BCAT2: variants seen among roughly 807,000 people sequenced by gnomAD.
BCAT2 encodes branched-chain-amino-acid aminotransferase, mitochondrial.
In BCAT2, 44 loss-of-function variants were observed where a neutral mutation model predicts 52.9. The ratio of observed to expected loss-of-function variants is 0.83; its 90% CI spans 0.65 to 1.07. BCAT2 has a LOEUF of 1.07. Among genes scored for constraint, BCAT2 ranks in the 50% least tolerant of loss-of-function variants. The probability of loss-of-function intolerance (pLI) is 0.00; values close to 1 mark genes in which losing one functional copy is unlikely to be tolerated. For missense variants in BCAT2, 478 were observed against 521.8 expected (o/e 0.92, Z 0.82); for synonymous variants, 215 against 217.1 (o/e 0.99, Z 0.08).
chr19:48,797,080 T>G (rs2034541352), intron 7 of BCAT2, 58 bp from the exon 8 acceptor site: 2 of 1,610,832 alleles, frequency 1.2e-6, no homozygotes, highest in African/African-American at 1.3e-5. Context: ...ACCGCCGTCT[T>G]AAGAGCCACC....
At chr19:48,808,349 G>T in intron 1 of BCAT2, 2 of 746,968 alleles carry the variant, frequency 2.7e-6, no homozygotes, top group Non-Finnish European at 3.3e-6. Flanking sequence ...GAGAGTAAGA[G>T]ATGGAAGAGG....
chr19:48,799,808 C>G lies in BCAT2; in HGVS notation c.562G>C (p.Ala188Pro). ...GGGCAGAGAATGACGAACAGGAGCG[C>G]GCGCGTGGGCTGGCTGACACCCAGC... is the stretch of plus-strand genomic sequence containing the variant. ...PSLGVSQPTR[A>P]LLFVILCPVG... Residue 188 changes from alanine (A) to proline (P), a missense_variant, in exon 6 of 11, where the codon GCG (alanine) becomes CCG (proline). Transcript: ENST00000316273. The surrounding 1 kb of genome is among the most constrained non-coding windows in gnomAD (Gnocchi z 5.5). The G allele has an allele frequency of 6.4e-7, 1 of 1,559,014 alleles. No homozygotes were observed.
chr19:48,803,771 G>A (rs979996874), intron 3 of BCAT2, among the ~76,000 whole-genome samples: 1 of 152,194 alleles, frequency 6.6e-6, no homozygotes, highest in African/African-American at 2.4e-5. Flanking sequence ...GAGGGACAAT[G>A]GGTACTGATT....
Position 48,795,183 on chromosome 19 carries a change from T to C in BCAT2, c.*243A>G, listed in dbSNP as rs536745483. 63 of 596,046 alleles carry C rather than the reference T, an allele frequency of 1.1e-4. 2 individuals are homozygous for C. The South Asian group carries it at 1.2e-3, about 11-fold the overall frequency. The allele number at this position is 596,046 out of a possible 1,614,324, so 36.9% of individuals were successfully genotyped here. A position where few individuals can be genotyped will look rare whatever the true frequency, so the allele number is the denominator to read the frequency against. On this transcript the variant is annotated 3_prime_UTR_variant, in exon 11 of 11. Coordinates refer to ENST00000316273, the MANE Select transcript of BCAT2 (RefSeq NM_001190.4). ...CCGGAATCGGGGCCAAGGTGTATCC[T>C]TGACCGCACGACAAGGAGTAATGGG...
Position 48,795,276 on chromosome 19 carries a change from T to C in BCAT2, c.*150A>G. 1 of 1,008,842 alleles carries C rather than the reference T, an allele frequency of 9.9e-7. No individual in the cohort carries two copies. The highest frequency in any genetic ancestry group is 1.5e-6 in the Non-Finnish European group (1 of 675,760). 62.5% of individuals were successfully genotyped at this position (1,008,842 alleles called of 1,614,324 possible). On this transcript the variant is annotated 3_prime_UTR_variant, in exon 11 of 11. Transcript: ENST00000316273. ...GGGTCGGCCCTTACGGCTTTGGGAG[T>C]GTCGCAACCACATGGGGGCGCCAGA...
intron 1 of BCAT2, among the ~76,000 whole-genome samples, chr19:48,808,687 G>A (rs487703): frequency 0.013 from 1,997 of 152,134 alleles, 36 homozygotes; most frequent in African/African-American, 0.045. Flanking sequence ...CCCAGGAGGC[G>A]GAGGTTGCAG....
intron 8 of BCAT2, 105 bp downstream of exon 8, chr19:48,796,832 C>G: frequency 1.3e-6 from 2 of 1,593,488 alleles, no homozygotes. Context: ...GAGAGACAGA[C>G]CCAGGAGAAG....
In BCAT2 at chr19:48,799,658, A is replaced by C; in HGVS notation, c.695+17T>G. ...GCCCAGTGCGCCAGTCGTTCTGGGG[A>C]TGGGGGTGCTACTTACCCACCTAAC... On this transcript the variant is annotated intron_variant, in intron 6 of 10. Coordinates refer to ENST00000316273, the MANE Select transcript of BCAT2 (RefSeq NM_001190.4). The surrounding 1 kb of genome is among the most constrained non-coding windows in gnomAD (Gnocchi z 5.5). 6.4e-7 allele frequency: 1 copy of C among 1,554,472 alleles called. No individual in the cohort carries two copies. Among genetic ancestry groups the C allele is most frequent in the Non-Finnish European group, 8.7e-7 (1 of 1,153,892 alleles).
Position 48,800,115 on chromosome 19 carries a change from G to A in BCAT2, c.412-15C>T, listed in dbSNP as rs1045154276. 2 of 1,613,636 alleles carry A rather than the reference G, an allele frequency of 1.2e-6. No individual in the cohort carries two copies. Among genetic ancestry groups the A allele is most frequent in the East Asian group, 4.5e-5 (2 of 44,872 alleles). On this transcript the variant is annotated splice_polypyrimidine_tract_variant and intron_variant, in intron 4 of 10. Coordinates refer to ENST00000316273, the MANE Select transcript of BCAT2 (RefSeq NM_001190.4). ...TTGTCGAAACTCTGGGTGGGATTCT[G>A]AATGAGTCAAGGGGCCCTTGCTGCC...
At chr19:48,800,502 C>G (rs1416767756) in intron 3 of BCAT2, among the ~76,000 whole-genome samples, 1 of 152,136 alleles carries the variant, frequency 6.6e-6, no homozygotes, top group African/African-American at 2.4e-5. Context: ...CAGGTAGAGA[C>G]ACACGGAGAC....
At chr19:48,810,739 T>A in intron 1 of BCAT2, 2 of 429,706 alleles carry the variant, frequency 4.7e-6, no homozygotes, top group Non-Finnish European at 6.4e-6. Context: ...TGTTTCCCTT[T>A]TTTTTTTTTT....
chr19:48,795,568 G>C (rs776227143), intron 10 of BCAT2, 104 bp from the exon 11 acceptor site: 9 of 1,358,486 alleles, frequency 6.6e-6, no homozygotes, highest in Middle Eastern at 2.0e-4. Context: ...TGCCCCAGCG[G>C]CTCACGGGAA....
rs4802506 is a variant in BCAT2, at chr19:48,799,066, T to C, written c.695+609A>G. The C allele has an allele frequency of 0.14, 21,689 of 152,318 alleles. 2,063 individuals are homozygous for C. The highest frequency in any genetic ancestry group is 0.21 in the Non-Finnish European group (14,574 of 68,098). The allele number at this position is 152,318 out of a possible 1,614,324, so 9.4% of individuals were successfully genotyped here. A position where few individuals can be genotyped will look rare whatever the true frequency, so the allele number is the denominator to read the frequency against. The stretch of plus-strand genomic sequence containing the variant: ...GGCTGACTCATCTGTGTCCCCAGCT[T>C]CTGCCAGCACAGGGCCTGGCCCTCA... On this transcript the variant is annotated intron_variant, in intron 6 of 10. Coordinates refer to ENST00000316273, the MANE Select transcript of BCAT2 (RefSeq NM_001190.4). This position sits in a 1 kb window ranked among gnomAD's most constrained non-coding sequence, Gnocchi z 5.5.
chr19:48,805,781 TC>T (rs1271319097), intron 3 of BCAT2, among the ~76,000 whole-genome samples: 1 of 76,850 alleles, frequency 1.3e-5, no homozygotes, highest in African/African-American at 5.4e-5. Context: ...CCCCCGGCTG[TC>T]CGTCTCCCGC....
At chr19:48,810,954 C>G (rs1467722348) in intron 1 of BCAT2, 30 bp downstream of exon 1, 1 of 1,605,652 alleles carries the variant, frequency 6.2e-7, no homozygotes, top group Admixed American at 1.7e-5. Context: ...CGGTTATTTC[C>G]CAGACCCCGG....
chr19:48,798,213 G>A (rs541662605), intron 6 of BCAT2, among the ~76,000 whole-genome samples: 1 of 152,260 alleles, frequency 6.6e-6, no homozygotes, highest in African/African-American at 2.4e-5. Flanking sequence ...CTCCAAAACC[G>A]TTTCTGTTGT....
At chr19:48,810,702 C>G in intron 1 of BCAT2, 1 of 898,774 alleles carries the variant, frequency 1.1e-6, no homozygotes, top group Non-Finnish European at 1.5e-6. Flanking sequence ...CACCCCCACG[C>G]CTCCCTCATT....
chr19:48,801,237 C>CTT (rs71335820), intron 3 of BCAT2, among the ~76,000 whole-genome samples: 1 of 144,590 alleles, frequency 6.9e-6, no homozygotes. Flanking sequence ...CCCAGCCAGA[C>CTT]TTTTTTTTTT....
intron 3 of BCAT2, among the ~76,000 whole-genome samples, chr19:48,805,078 CTG>C (rs1281817799): frequency 2.6e-5 from 4 of 152,102 alleles, no homozygotes; most frequent in Non-Finnish European, 5.9e-5. Context: ...TGCCACAGAA[CTG>C]TGCCCTGGAG....
Sources: allele counts gnomAD v4.1 joint callset (sites outside exome capture counted in the v4.1 genomes callset), GRCh38; gene constraint gnomAD v4.1.1; non-coding constraint Gnocchi (gnomAD v3.1); transcripts MANE v1.5; gene names NCBI Gene and HGNC (gene_info 2026-07-23, HGNC 2026-07-21).